DACH1: variants seen among roughly 807,000 people sequenced by gnomAD.
DACH1 encodes the protein dachshund homolog 1.
In DACH1, 12 loss-of-function variants were observed where a neutral mutation model predicts 54.2. That is an observed-to-expected ratio of 0.22 (90% confidence interval 0.14 to 0.36). The LOEUF (loss-of-function observed/expected upper bound fraction) is 0.36. Ranked by LOEUF, DACH1 falls within the 10% of genes least tolerant of loss-of-function variation. The pLI, the probability that DACH1 is intolerant of heterozygous loss-of-function variation, is 1.00. For missense variants in DACH1, 805 were observed against 929.8 expected (o/e 0.87, Z 1.75); for synonymous variants, 386 against 366.2 (o/e 1.05, Z -0.62).
At chr13:71,779,239 A>G (rs1173961421) in intron 1 of DACH1, among the ~76,000 whole-genome samples, 6 of 94,054 alleles carry the variant, frequency 6.4e-5, no homozygotes, top group Admixed American at 1.2e-4. Context: ...ATATATACAC[A>G]TATATACGTA....
intron 3 of DACH1, among the ~76,000 whole-genome samples, chr13:71,599,431 C>T (rs1460094332): frequency 6.6e-6 from 1 of 152,036 alleles, no homozygotes; most frequent in Admixed American, 6.6e-5. Context: ...AGAAAAATGG[C>T]ATCCTCTTCC....
At chr13:71,721,893 T>G (rs918328694) in intron 1 of DACH1, among the ~76,000 whole-genome samples, 1 of 152,170 alleles carries the variant, frequency 6.6e-6, no homozygotes, top group African/African-American at 2.4e-5. Flanking sequence ...CTTAAAGTTA[T>G]GAATATATAC....
At chr13:71,560,740 C>G (rs1169509546) in intron 4 of DACH1, among the ~76,000 whole-genome samples, 1 of 152,136 alleles carries the variant, frequency 6.6e-6, no homozygotes, top group Admixed American at 6.5e-5. Context: ...CTATAAATGT[C>G]TCCAATTAGC....
intron 6 of DACH1, among the ~76,000 whole-genome samples, chr13:71,546,167 T>A (rs191310250): frequency 2.2e-4 from 33 of 152,230 alleles, no homozygotes; most frequent in Non-Finnish European, 4.7e-4. Context: ...AAAATTTTTT[T>A]AAATCATCCT....
At chr13:71,531,210 C>T (rs1882393970) in intron 6 of DACH1, among the ~76,000 whole-genome samples, 1 of 152,014 alleles carries the variant, frequency 6.6e-6, no homozygotes, top group South Asian at 2.1e-4. Flanking sequence ...TTTAGTTTAA[C>T]AATGACTAAA....
At chr13:71,843,274 T>G (rs1427224332) in intron 1 of DACH1, among the ~76,000 whole-genome samples, 2 of 151,968 alleles carry the variant, frequency 1.3e-5, no homozygotes, top group African/African-American at 2.4e-5. Flanking sequence ...ATTTATGTAT[T>G]TATTCATTTG....
chr13:71,593,076 G>T (rs1426445592), intron 3 of DACH1, among the ~76,000 whole-genome samples: 1 of 152,156 alleles, frequency 6.6e-6, no homozygotes, highest in Non-Finnish European at 1.5e-5. Flanking sequence ...AAGAATTAGA[G>T]AGTTTTAAAT....
rs202039749 is a variant in DACH1 at position 71,573,376 on chromosome 13, A to T, written c.1127-364T>A. The T allele has an allele frequency of 8.6e-4, 607 of 709,526 alleles. 7 individuals are homozygous for T. The East Asian group carries it at 0.015, about 17-fold the overall frequency. The allele number at this position is 709,526 out of a possible 1,614,324, so 44.0% of individuals were successfully genotyped here. ...TTTTGCCAACTGATAAATACAATTTAAAAAAAACTATGATTTTTAATACTA... is the reference window on the plus strand; with the variant it reads ...TTTTGCCAACTGATAAATACAATTTTAAAAAAACTATGATTTTTAATACTA... On this transcript the variant is annotated intron_variant, in intron 3 of 10. Transcript: ENST00000613252.
At chr13:71,599,122 T>C (rs1052367165) in intron 3 of DACH1, among the ~76,000 whole-genome samples, 7 of 152,152 alleles carry the variant, frequency 4.6e-5, no homozygotes. Context: ...AAAATTATTA[T>C]AATTTTAAGC....
Position 71,557,130 on chromosome 13 carries a change from G to A in DACH1, c.1464C>T (p.Asn488=), listed in dbSNP as rs762002352. The change falls in exon 6 of 11, where the codon AAC becomes AAT. Residue 488 remains asparagine (N), a synonymous_variant. Transcript: ENST00000613252. ...TTGGTGATAAGCCCATCAGCATCTG[G>A]TTCATGGACAACCCATTCTGATGGA... is the stretch of plus-strand genomic sequence containing the variant. ...IPVHQNGLSM[N]QMLMGLSPNV... is the part of the protein sequence containing the mutation. 1.2e-4 allele frequency: 199 copies of A among 1,610,688 alleles called. No homozygotes were observed. Among genetic ancestry groups the A allele is most frequent in the Non-Finnish European group, 1.5e-4 (177 of 1,178,740 alleles).
chr13:71,513,449 T>C (rs1254603327), intron 6 of DACH1, among the ~76,000 whole-genome samples: 5 of 152,020 alleles, frequency 3.3e-5, no homozygotes, highest in African/African-American at 4.8e-5. Context: ...ATACAGTATT[T>C]GCAAAAATAT....
Position 71,574,791 on chromosome 13 carries a change from T to C in DACH1, c.1127-1779A>G, listed in dbSNP as rs1478160940. Among the ~76,000 whole-genome samples the C allele has an allele frequency of 2.6e-5, 4 of 152,144 alleles. No individual in the cohort carries two copies. The South Asian group carries it at 6.2e-4, about 24-fold the overall frequency. ...TACAAGAAACCATGACAGCTTTTGG[T>C]TTAAAAAAAAGTTTATAGCTTCATA... On this transcript the variant is annotated intron_variant, in intron 3 of 10. Transcript: ENST00000613252.
In DACH1 at chr13:71,475,208, G is replaced by A; in HGVS notation, c.2016C>T (p.Asp672=). 1 of 1,612,658 alleles carries A rather than the reference G, an allele frequency of 6.2e-7. No individual in the cohort carries two copies. Among genetic ancestry groups the A allele is most frequent in the Non-Finnish European group, 8.5e-7 (1 of 1,178,784 alleles). The change falls in exon 10 of 11, where the codon GAC becomes GAT. Residue 672 remains aspartate (D), a splice_region_variant and synonymous_variant. Coordinates refer to ENST00000613252, the MANE Select transcript of DACH1 (RefSeq NM_080759.6). ...CAGCCTCTATCTCTGGGGTCAGAGA[G>A]TCTAAAAGCACAGAAAGGTAAGAGT... ...ASTDSLRVLN[D]SLTPEIEADR... is the part of the protein sequence containing the mutation.
chr13:71,799,191 C>G (rs1329045666), intron 1 of DACH1, among the ~76,000 whole-genome samples: 5 of 152,052 alleles, frequency 3.3e-5, no homozygotes, highest in Admixed American at 3.3e-4. Context: ...TTTGTACATT[C>G]ATATACAGTA....
Position 71,630,571 on chromosome 13 carries a change from T to C in DACH1, c.1111A>G (p.Met371Val), listed in dbSNP as rs372245169. ...TAAAACTTACCGACACTTGAATTCA[T>C]GTCCCCGTTTTCAGAGTCTGCTCCA... is the stretch of plus-strand genomic sequence containing the variant. ...QHGADSENGD[M>V]NSSVGLELPF... Residue 371 changes from methionine to valine, a missense_variant, in exon 3 of 11, where the codon ATG becomes GTG. Around this residue, in one of 3 missense-constraint regions of DACH1, gnomAD observed 472 missense variants for 545.3 expected, o/e 0.87. Transcript: ENST00000613252. The C allele has an allele frequency of 1.3e-6, 2 of 1,590,674 alleles. No homozygotes were observed. The highest frequency in any genetic ancestry group is 2.7e-5 in the African/African-American group (2 of 73,458).
chr13:71,759,816 T>A (rs1019612139), intron 1 of DACH1, among the ~76,000 whole-genome samples: 4 of 151,864 alleles, frequency 2.6e-5, no homozygotes, highest in African/African-American at 9.7e-5. Context: ...AAAAAAAAAA[T>A]CTGAAATTCA....
At chr13:71,603,641 G>A (rs1006189142) in intron 3 of DACH1, among the ~76,000 whole-genome samples, 1 of 151,902 alleles carries the variant, frequency 6.6e-6, no homozygotes, top group Non-Finnish European at 1.5e-5. Flanking sequence ...ATAAAATAGT[G>A]TCTAGTTTAT....
At position 71,866,526 on chromosome 13, in the gene DACH1, T is replaced by TGCCGCC. The variant is rs748058171; in HGVS notation, c.238_243dup (p.Gly80_Gly81dup). ...CCGCTGCTGCCGCCGCCGCCTCCGC[T>TGCCGCC]GCCGCCGCCGCCGCCGCCGCCGCCG... On this transcript the variant is annotated inframe_insertion, in exon 1 of 11. Coordinates refer to ENST00000613252, the MANE Select transcript of DACH1 (RefSeq NM_080759.6). 0.13 allele frequency: 162,915 copies of TGCCGCC among 1,231,072 alleles called. 15,324 individuals carry two copies. The highest frequency in any genetic ancestry group is 0.53 in the African/African-American group (31,817 of 60,126). The allele number at this position is 1,231,072 out of a possible 1,614,324, so 76.3% of individuals were successfully genotyped here. A position where few individuals can be genotyped will look rare whatever the true frequency, so the allele number is the denominator to read the frequency against.
At chr13:71,455,329 A>G (rs1226689697) in intron 10 of DACH1, among the ~76,000 whole-genome samples, 1 of 152,130 alleles carries the variant, frequency 6.6e-6, no homozygotes, top group Non-Finnish European at 1.5e-5. Flanking sequence ...CTCTCCATAT[A>G]TGGAGTCTAT....
Sources: gnomAD v4.1 joint callset for allele counts (sites outside exome capture counted in the v4.1 genomes callset) on GRCh38, gnomAD v4.1.1 for gene constraint, gnomAD v4.1.1 regional missense constraint, MANE v1.5 for transcripts, NCBI Gene and HGNC (gene_info 2026-07-23, HGNC 2026-07-21) for gene names.